Variants in PARD3B observed in about 807,000 individuals in gnomAD.
PARD3B encodes par-3 family cell polarity regulator beta.
In PARD3B, 103 loss-of-function variants were observed where a neutral mutation model predicts 130.2. That is an observed-to-expected ratio of 0.79 (90% CI 0.67 to 0.93). The LOEUF is 0.93. Among genes scored for constraint, PARD3B ranks in the 40% least tolerant of loss-of-function variants. The pLI, the probability that PARD3B is intolerant of heterozygous loss-of-function variation, is 0.00. For synonymous variants in PARD3B, 583 were observed against 553.2 expected (o/e 1.05, Z -0.76); for missense variants, 1,609 against 1,499.2 (o/e 1.07, Z -1.21).
intron 1 of PARD3B, among the ~76,000 whole-genome samples, chr2:204,579,573 A>G (rs965521408): frequency 1.3e-5 from 2 of 152,178 alleles, no homozygotes; most frequent in Non-Finnish European, 2.9e-5. Context: ...GGAAAATTGG[A>G]GAGGTATGAT....
rs539521478 is a variant in PARD3B, at chr2:204,952,970, C to G, written c.223-12182C>G. Among the ~76,000 whole-genome samples, 528 of 143,360 alleles carry G rather than the reference C, an allele frequency of 3.7e-3. 3 individuals are homozygous for G. Among genetic ancestry groups the G allele is most frequent in the Middle Eastern group, 7.3e-3 (2 of 274 alleles). The allele number at this position is 143,360 out of a possible 152,430, so 94.0% of individuals were successfully genotyped here. On this transcript the variant is annotated intron_variant, in intron 2 of 22. Transcript: ENST00000406610. ...TGAGATCTTGCTACTGCACTCCAGC[C>G]TGGGCGACAGTGCGAGACTCAGTCT...
chr2:205,139,880 C>CT (rs1275761144), intron 10 of PARD3B, among the ~76,000 whole-genome samples: 1 of 151,894 alleles, frequency 6.6e-6, no homozygotes, highest in East Asian at 1.9e-4. Flanking sequence ...AAGCTAGTGG[C>CT]TTACTTATTA....
At chr2:205,491,831 G>T (rs1012430458) in intron 20 of PARD3B, among the ~76,000 whole-genome samples, 1 of 152,184 alleles carries the variant, frequency 6.6e-6, no homozygotes, top group African/African-American at 2.4e-5. Flanking sequence ...GCCATGGTGA[G>T]GTCGGGAGCC....
At chr2:204,813,288 A>G (rs2043028642) in intron 2 of PARD3B, among the ~76,000 whole-genome samples, 1 of 152,136 alleles carries the variant, frequency 6.6e-6, no homozygotes, top group Non-Finnish European at 1.5e-5. Context: ...AATAACGTTG[A>G]GCCTCTTTTT....
intron 2 of PARD3B, among the ~76,000 whole-genome samples, chr2:204,952,588 T>G (rs750422525): frequency 3.3e-5 from 5 of 151,968 alleles, no homozygotes; most frequent in Non-Finnish European, 5.9e-5. Flanking sequence ...TCAGTATACT[T>G]AAAATAAAAA....
intron 19 of PARD3B, among the ~76,000 whole-genome samples, chr2:205,433,429 G>A (rs2047404505): frequency 6.6e-6 from 1 of 151,820 alleles, no homozygotes; most frequent in South Asian, 2.1e-4. Flanking sequence ...CTACACAGGA[G>A]GCTGAGGCAG....
chr2:204,754,522 A>G (rs1035596070), intron 2 of PARD3B, among the ~76,000 whole-genome samples: 4 of 152,168 alleles, frequency 2.6e-5, no homozygotes, highest in Non-Finnish European at 5.9e-5. Context: ...GTTATTCTGG[A>G]AATCAATAAA....
intron 18 of PARD3B, among the ~76,000 whole-genome samples, chr2:205,327,685 A>G (rs1053475104): frequency 6.6e-6 from 1 of 152,266 alleles, no homozygotes; most frequent in Non-Finnish European, 1.5e-5. Flanking sequence ...AAGCTACTCA[A>G]CTGCTCATTT....
In PARD3B at chr2:205,146,296, C is replaced by A. The variant is rs575904673; in HGVS notation, c.1435-12426C>A. Reference sequence around the variant, plus strand: ...TGGAAGTATCTTCCTAAGGGCCCAGCTTCCCAAATGGGCTACTTCTCAGGA... The same window carrying A: ...TGGAAGTATCTTCCTAAGGGCCCAGATTCCCAAATGGGCTACTTCTCAGGA... On this transcript the variant is annotated intron_variant, in intron 10 of 22. Coordinates refer to ENST00000406610, the MANE Select transcript of PARD3B (RefSeq NM_001302769.2). This position sits in a 1 kb window ranked among gnomAD's most constrained non-coding sequence, Gnocchi z 4.3. 4.6e-4 allele frequency among the ~76,000 whole-genome samples: 70 copies of A among 152,308 alleles called. No individual in the cohort carries two copies. The highest frequency in any genetic ancestry group is 7.1e-4 in the Non-Finnish European group (48 of 68,028).
intron 1 of PARD3B, among the ~76,000 whole-genome samples, chr2:204,574,895 G>A (rs893437491): frequency 6.6e-6 from 1 of 152,164 alleles, no homozygotes; most frequent in African/African-American, 2.4e-5. Flanking sequence ...TAAATTAACA[G>A]CATACGCTTT....
intron 2 of PARD3B, among the ~76,000 whole-genome samples, chr2:204,902,334 T>C (rs1452779873): frequency 6.6e-6 from 1 of 151,680 alleles, no homozygotes; most frequent in Non-Finnish European, 1.5e-5. Context: ...TAAGCATGAG[T>C]GTGATCGCTT....
chr2:205,426,387 A>G (rs2047147468), intron 19 of PARD3B, among the ~76,000 whole-genome samples: 1 of 152,198 alleles, frequency 6.6e-6, no homozygotes, highest in Non-Finnish European at 1.5e-5. Context: ...ACAAAGGATA[A>G]TTATAGTGAC....
chr2:205,277,095 T>C (rs1024823392), intron 16 of PARD3B, among the ~76,000 whole-genome samples: 7 of 152,224 alleles, frequency 4.6e-5, no homozygotes, highest in African/African-American at 1.4e-4. Flanking sequence ...CCTTCTAGGT[T>C]ACAGTCAGGA....
At chr2:204,756,811 C>G (rs1241768188) in intron 2 of PARD3B, among the ~76,000 whole-genome samples, 1 of 152,148 alleles carries the variant, frequency 6.6e-6, no homozygotes, top group Non-Finnish European at 1.5e-5. Context: ...TGCAGGTTTG[C>G]TGCATAAACT....
chr2:205,456,845 A>C (rs2048292968), intron 20 of PARD3B, among the ~76,000 whole-genome samples: 1 of 147,068 alleles, frequency 6.8e-6, no homozygotes, highest in Non-Finnish European at 1.5e-5. Context: ...TAATCATTTA[A>C]TAAATACTCA....
At chr2:205,532,857 C>G (rs2051663133) in intron 21 of PARD3B, among the ~76,000 whole-genome samples, 1 of 152,102 alleles carries the variant, frequency 6.6e-6, no homozygotes, top group Non-Finnish European at 1.5e-5. Context: ...GCGAATCATT[C>G]CTGTCATTAA....
chr2:204,563,437 C>G (rs2031476216), intron 1 of PARD3B, among the ~76,000 whole-genome samples: 1 of 152,046 alleles, frequency 6.6e-6, no homozygotes, highest in African/African-American at 2.4e-5. Flanking sequence ...TGGAGGATAA[C>G]ACACTTCAAC....
chr2:204,828,966 T>C (rs2043697937), intron 2 of PARD3B, among the ~76,000 whole-genome samples: 1 of 152,240 alleles, frequency 6.6e-6, no homozygotes, highest in South Asian at 2.1e-4. Context: ...TCCAGCCTTC[T>C]GCATGAAGTC....
At chr2:204,963,846 C>T (rs1344412920) in intron 2 of PARD3B, among the ~76,000 whole-genome samples, 1 of 152,166 alleles carries the variant, frequency 6.6e-6, no homozygotes, top group Non-Finnish European at 1.5e-5. Flanking sequence ...CATTTCTTTT[C>T]TGTGGCAAGA....
Sources: gnomAD v4.1 joint callset for allele counts (sites outside exome capture counted in the v4.1 genomes callset) on GRCh38, gnomAD v4.1.1 for gene constraint, Gnocchi (gnomAD v3.1) non-coding constraint, MANE v1.5 for transcripts, NCBI Gene and HGNC (gene_info 2026-07-23, HGNC 2026-07-21) for gene names.